The following SAMD3 variants were observed in gnomAD, a reference collection of about 807,000 sequenced individuals.
SAMD3 encodes the protein sterile alpha motif domain containing 3.
SAMD3 carries 63 observed loss-of-function variants against 58.5 expected under a neutral mutation model. The ratio of observed to expected loss-of-function variants is 1.08; its 90% CI spans 0.88 to 1.33. SAMD3 has a LOEUF of 1.33. Among genes scored for constraint, SAMD3 ranks in the 40% most tolerant of loss-of-function variants. The pLI is 0.00. For synonymous variants in SAMD3, 220 were observed against 210.3 expected, an observed-to-expected ratio of 1.05 and a Z score of -0.40; for missense variants, 604 against 608.4, an observed-to-expected ratio of 0.99 and a Z score of 0.08.
intron 1 of SAMD3, among the ~76,000 whole-genome samples, chr6:130,315,316 C>T (rs998690314): frequency 1.3e-5 from 2 of 151,928 alleles, no homozygotes; most frequent in African/African-American, 4.8e-5. Flanking sequence ...TCAATGAAAA[C>T]TTGGAATGGA....
chr6:130,243,137 C>T (rs1229691498), intron 2 of SAMD3, among the ~76,000 whole-genome samples: 2 of 152,214 alleles, frequency 1.3e-5, no homozygotes, highest in Non-Finnish European at 2.9e-5. Flanking sequence ...TGAAAGGGCA[C>T]ATGACCCAAC....
chr6:130,248,399 C>G (rs1372130839), intron 2 of SAMD3, among the ~76,000 whole-genome samples: 1 of 152,156 alleles, frequency 6.6e-6, no homozygotes, highest in Non-Finnish European at 1.5e-5. Context: ...TTGAGCATCT[C>G]AGTTTCTTCT....
intron 1 of SAMD3, among the ~76,000 whole-genome samples, chr6:130,361,730 T>C (rs1483767960): frequency 6.6e-6 from 1 of 152,264 alleles, no homozygotes; most frequent in African/African-American, 2.4e-5. Flanking sequence ...ACTGTTTTGA[T>C]TGAGCAGAAA....
intron 2 of SAMD3, among the ~76,000 whole-genome samples, chr6:130,242,333 T>C (rs1773387318): frequency 6.6e-6 from 1 of 152,230 alleles, no homozygotes; most frequent in South Asian, 2.1e-4. Flanking sequence ...TAAGTGAGTG[T>C]GGATGTGTTT....
At chr6:130,279,275 G>A (rs1165458018) in intron 2 of SAMD3, among the ~76,000 whole-genome samples, 1 of 152,042 alleles carries the variant, frequency 6.6e-6, no homozygotes, top group African/African-American at 2.4e-5. Context: ...GGGTCCCAGT[G>A]GGAGGTATGT....
chr6:130,195,664 C>A (rs1336036438), intron 5 of SAMD3, among the ~76,000 whole-genome samples: 1 of 152,138 alleles, frequency 6.6e-6, no homozygotes, highest in Admixed American at 6.5e-5. Context: ...ACCCTGACAC[C>A]CATCAGGCTC....
intron 5 of SAMD3, among the ~76,000 whole-genome samples, chr6:130,185,335 A>G (rs1792834685): frequency 6.6e-6 from 1 of 151,936 alleles, no homozygotes; most frequent in South Asian, 2.1e-4. Flanking sequence ...TTATTTTATT[A>G]TTATTATTTT....
chr6:130,167,404 C>T (rs1038324699), intron 8 of SAMD3, among the ~76,000 whole-genome samples: 1 of 152,062 alleles, frequency 6.6e-6, no homozygotes, highest in Non-Finnish European at 1.5e-5. Context: ...TGATAATGTG[C>T]CATGAAGTGA....
At chr6:130,346,695 C>A (rs549745986) in intron 1 of SAMD3, among the ~76,000 whole-genome samples, 1 of 152,344 alleles carries the variant, frequency 6.6e-6, no homozygotes, top group Middle Eastern at 3.4e-3. Context: ...CGTCTGCAGA[C>A]TTAAATGTCC....
intron 1 of SAMD3, among the ~76,000 whole-genome samples, chr6:130,221,272 A>G (rs1176190446): frequency 6.6e-6 from 1 of 152,242 alleles, no homozygotes; most frequent in Non-Finnish European, 1.5e-5. Flanking sequence ...TGTAAATATG[A>G]AAAATTAAAA....
chr6:130,295,675 A>T (rs1208253650), intron 2 of SAMD3, among the ~76,000 whole-genome samples: 3 of 152,180 alleles, frequency 2.0e-5, no homozygotes, highest in Admixed American at 6.5e-5. Context: ...GGCCCATATT[A>T]ATCAGTGATC....
chr6:130,162,400 G>T lies in SAMD3; in HGVS notation c.823-7375C>A, dbSNP rs1582757745. 1.9e-5 allele frequency: 11 copies of T among 580,938 alleles called. No homozygotes were observed. In the East Asian group the frequency reaches 2.9e-4, roughly 15 times the overall value. The allele number at this position is 580,938 out of a possible 1,614,324, so 36.0% of individuals were successfully genotyped here. ...TATAGCTTTTTTATCTCCCAGAAAT[G>T]AATAAAAACTCATCTTGACTTTTAT... is the stretch of plus-strand genomic sequence containing the variant. On this transcript the variant is annotated intron_variant, in intron 8 of 11. Coordinates refer to ENST00000439090, the MANE Select transcript of SAMD3 (RefSeq NM_001017373.4).
chr6:130,217,641 T>C (rs1271090442), intron 1 of SAMD3, among the ~76,000 whole-genome samples: 1 of 152,250 alleles, frequency 6.6e-6, no homozygotes, highest in Non-Finnish European at 1.5e-5. Context: ...TCACCTGCTG[T>C]GAACGTGATT....
chr6:130,145,821 C>T (rs1303699044), intron 10 of SAMD3, among the ~76,000 whole-genome samples, 189 bp downstream of exon 10: 1 of 151,856 alleles, frequency 6.6e-6, no homozygotes, highest in African/African-American at 2.4e-5. Flanking sequence ...CCAGTTGTTT[C>T]ACTTATTACT....
chr6:130,249,406 G>T (rs1030468206), intron 2 of SAMD3, among the ~76,000 whole-genome samples: 1 of 152,140 alleles, frequency 6.6e-6, no homozygotes, highest in Non-Finnish European at 1.5e-5. Context: ...GAAGGGAGAA[G>T]CAATGGGTGC....
intron 1 of SAMD3, among the ~76,000 whole-genome samples, chr6:130,314,782 G>A (rs1435296013): frequency 6.6e-6 from 1 of 152,148 alleles, no homozygotes; most frequent in East Asian, 1.9e-4. Context: ...AAACATAATA[G>A]ATAAAATAAA....
chr6:130,292,217 A>C (rs1775384267), intron 2 of SAMD3, among the ~76,000 whole-genome samples: 1 of 151,704 alleles, frequency 6.6e-6, no homozygotes, highest in African/African-American at 2.4e-5. Context: ...TTTCATCAGG[A>C]ACTTAGAACT....
chr6:130,296,549 G>A (rs6907479), intron 2 of SAMD3, among the ~76,000 whole-genome samples: 2,217 of 152,246 alleles, frequency 0.015, 53 homozygotes, highest in African/African-American at 0.05. Flanking sequence ...ACTTCCCACC[G>A]GGGGCCAGAG....
chr6:130,152,677 A>G (rs1385311681), intron 9 of SAMD3, among the ~76,000 whole-genome samples: 1 of 132,748 alleles, frequency 7.5e-6, no homozygotes, highest in African/African-American at 2.5e-5. Context: ...ACTCTGTCTC[A>G]ATAAATAAAT....
Sources: allele counts gnomAD v4.1 joint callset (sites outside exome capture counted in the v4.1 genomes callset), GRCh38; gene constraint gnomAD v4.1.1; transcripts MANE v1.5; gene names NCBI Gene and HGNC (gene_info 2026-07-23, HGNC 2026-07-21).